MAF: variants seen among roughly 807,000 people sequenced by gnomAD.
MAF encodes transcription factor Maf.
In MAF, 10 loss-of-function variants were observed where a neutral mutation model predicts 22.0. That is an observed-to-expected ratio of 0.45 (90% CI 0.28 to 0.77). MAF has a LOEUF of 0.77. MAF is among the 30% of genes least tolerant of loss of function. The pLI is 0.12. For synonymous variants in MAF, 337 were observed against 255.8 expected, an observed-to-expected ratio of 1.32 and a Z score of -3.03; for missense variants, 544 against 548.4, an observed-to-expected ratio of 0.99 and a Z score of 0.08.
chr16:79,276,153 GAA>G, the MAF span, among the ~76,000 whole-genome samples: 2 of 3,340 alleles, frequency 6.0e-4, no homozygotes, highest in Non-Finnish European at 1.8e-3. Flanking sequence ...GAAAAAAAAA[GAA>G]AGAAAGAAAG....
At chr16:79,236,969 AAAATTTTAAATAATGCTTATGAG>A in the MAF span, among the ~76,000 whole-genome samples, 2 of 151,038 alleles carry the variant, frequency 1.3e-5, no homozygotes, top group African/African-American at 4.9e-5. Flanking sequence ...ACTCAAATCC[AAAATTTTAAATAATGCTTATGAG>A]TTGGTTTAGA....
At chr16:79,434,204 A>G in the MAF span, among the ~76,000 whole-genome samples, 1 of 152,238 alleles carries the variant, frequency 6.6e-6, no homozygotes, top group Non-Finnish European at 1.5e-5. Flanking sequence ...CAGGGCCAGA[A>G]GACTGCAGTG....
the MAF span, among the ~76,000 whole-genome samples, chr16:79,312,205 T>C: frequency 6.6e-6 from 1 of 152,156 alleles, no homozygotes; most frequent in Admixed American, 6.5e-5. Flanking sequence ...AGAGTAAAAG[T>C]TGACATTCCT....
the MAF span, among the ~76,000 whole-genome samples, chr16:79,371,695 G>A: frequency 1.3e-5 from 2 of 152,070 alleles, no homozygotes; most frequent in East Asian, 3.9e-4. Flanking sequence ...CAGGCCTCAG[G>A]TCCTGTCTCC....
At chr16:79,530,359 C>G in the MAF span, among the ~76,000 whole-genome samples, 5 of 152,042 alleles carry the variant, frequency 3.3e-5, no homozygotes, top group Non-Finnish European at 7.4e-5. Context: ...CATCAGGGTC[C>G]CAAAGTGCCT....
the MAF span, among the ~76,000 whole-genome samples, chr16:79,355,190 C>A: frequency 6.6e-6 from 1 of 152,236 alleles, no homozygotes; most frequent in African/African-American, 2.4e-5. Flanking sequence ...GCAGTACTTG[C>A]ACCTATCTCC....
At chr16:79,560,144 C>T in the MAF span, among the ~76,000 whole-genome samples, 1 of 152,010 alleles carries the variant, frequency 6.6e-6, no homozygotes, top group Non-Finnish European at 1.5e-5. Flanking sequence ...CCCCTGGCCT[C>T]AAGCAATTCT....
chr16:79,373,660 G>A, the MAF span, among the ~76,000 whole-genome samples: 8 of 152,102 alleles, frequency 5.3e-5, no homozygotes, highest in Middle Eastern at 3.4e-3. Flanking sequence ...TTACAGGTGT[G>A]AGCCACCGCA....
the MAF span, among the ~76,000 whole-genome samples, chr16:79,486,094 G>T: frequency 6.6e-6 from 1 of 152,078 alleles, no homozygotes; most frequent in East Asian, 1.9e-4. Context: ...GGAGTGTCTC[G>T]CATGACTCTC....
the MAF span, among the ~76,000 whole-genome samples, chr16:79,292,827 T>C: frequency 6.6e-6 from 1 of 152,218 alleles, no homozygotes; most frequent in Non-Finnish European, 1.5e-5. Flanking sequence ...CTGCTCATTA[T>C]ATGCCAATTA....
the MAF span, among the ~76,000 whole-genome samples, chr16:79,334,863 A>ATGTG: frequency 4.5e-3 from 278 of 61,344 alleles, 2 homozygotes; most frequent in African/African-American, 8.7e-3. Flanking sequence ...GTGTGTGTGT[A>ATGTG]TGTGTGTGTG....
At chr16:79,394,858 A>G in the MAF span, among the ~76,000 whole-genome samples, 3 of 152,132 alleles carry the variant, frequency 2.0e-5, no homozygotes, top group Non-Finnish European at 4.4e-5. Flanking sequence ...ACAGTATTTA[A>G]CACACATTAT....
chr16:79,350,216 G>A, the MAF span, among the ~76,000 whole-genome samples: 1 of 152,162 alleles, frequency 6.6e-6, no homozygotes, highest in Non-Finnish European at 1.5e-5. Flanking sequence ...ACCTAAACCA[G>A]CTATGCTTGT....
At chr16:79,483,727 G>A in the MAF span, among the ~76,000 whole-genome samples, 2 of 152,150 alleles carry the variant, frequency 1.3e-5, no homozygotes, top group Non-Finnish European at 2.9e-5. Flanking sequence ...TGTATGGCAG[G>A]CATAGAGAGA....
At chr16:79,355,382 C>G in the MAF span, among the ~76,000 whole-genome samples, 2 of 152,190 alleles carry the variant, frequency 1.3e-5, no homozygotes, top group Non-Finnish European at 2.9e-5. Flanking sequence ...AAGTTTTGCT[C>G]CAGTGGGATA....
At chr16:79,553,423 T>C in the MAF span, among the ~76,000 whole-genome samples, 2 of 152,238 alleles carry the variant, frequency 1.3e-5, no homozygotes, top group Non-Finnish European at 2.9e-5. Flanking sequence ...TGGAACCTTA[T>C]GCCTCTCCTG....
chr16:79,428,722 G>T, the MAF span, among the ~76,000 whole-genome samples: 1 of 152,040 alleles, frequency 6.6e-6, no homozygotes, highest in Non-Finnish European at 1.5e-5. Flanking sequence ...GTTTGTGCCT[G>T]TAGTTCTAGC....
the MAF span, among the ~76,000 whole-genome samples, chr16:79,362,839 A>G: frequency 6.6e-6 from 1 of 152,238 alleles, no homozygotes; most frequent in African/African-American, 2.4e-5. Context: ...TTGCTCTTAC[A>G]AAAGAGAATA....
the MAF span, among the ~76,000 whole-genome samples, chr16:79,338,506 G>T: frequency 6.6e-6 from 1 of 152,180 alleles, no homozygotes; most frequent in Non-Finnish European, 1.5e-5. Flanking sequence ...AAATCTCGCG[G>T]TTAAAGATAT....
Sources: gnomAD v4.1 joint callset for allele counts (sites outside exome capture counted in the v4.1 genomes callset) on GRCh38, gnomAD v4.1.1 for gene constraint, MANE v1.5 for transcripts, NCBI Gene and HGNC (gene_info 2026-07-23, HGNC 2026-07-21) for gene names.